Variants in ATMIN observed in about 807,000 individuals in gnomAD.
ATMIN encodes the protein ATM INteracting protein.
ATMIN carries 24 observed loss-of-function variants against 49.2 expected under a neutral mutation model. That is an observed-to-expected ratio of 0.49 (90% confidence interval 0.35 to 0.69). ATMIN has a LOEUF of 0.69. Ranked by LOEUF, ATMIN falls within the 30% of genes least tolerant of loss-of-function variation. The pLI is 0.00. For synonymous variants in ATMIN, 450 were observed against 392.5 expected (o/e 1.15, Z -1.73); for missense variants, 1,037 against 1,005.5 (o/e 1.03, Z -0.42).
chr16:81,039,207 G>A (rs1460319042), intron 1 of ATMIN, among the ~76,000 whole-genome samples: 1 of 152,168 alleles, frequency 6.6e-6, no homozygotes, highest in African/African-American at 2.4e-5. Flanking sequence ...TAAGAGCTGT[G>A]TTGACCAGAG....
chr16:81,040,273 G>C (rs1235094642), intron 1 of ATMIN, among the ~76,000 whole-genome samples: 2 of 151,962 alleles, frequency 1.3e-5, no homozygotes, highest in Non-Finnish European at 2.9e-5. Context: ...TCCTACCCTT[G>C]AGCTTATTCT....
At chr16:81,037,075 TGG>T in intron 1 of ATMIN, 1 of 640,576 alleles carries the variant, frequency 1.6e-6, no homozygotes, top group Non-Finnish European at 1.9e-6. Flanking sequence ...TTTTCAACCT[TGG>T]GACACATCTG....
At chr16:81,037,593 T>G in intron 1 of ATMIN, 1 of 725,368 alleles carries the variant, frequency 1.4e-6, no homozygotes, top group Non-Finnish European at 1.7e-6. Context: ...TTTGTTTTCA[T>G]ACTAAATTTT....
At chr16:81,038,570 T>A (rs1970986333) in intron 1 of ATMIN, among the ~76,000 whole-genome samples, 1 of 152,228 alleles carries the variant, frequency 6.6e-6, no homozygotes, top group African/African-American at 2.4e-5. Context: ...TGTCTTGGTG[T>A]CTTCCTTTAA....
At chr16:81,039,492 G>A (rs1971004214) in intron 1 of ATMIN, among the ~76,000 whole-genome samples, 1 of 152,168 alleles carries the variant, frequency 6.6e-6, no homozygotes, top group East Asian at 1.9e-4. Context: ...ATTGCAAACT[G>A]TAGAGTATGT....
chr16:81,039,326 A>G (rs1406078227), intron 1 of ATMIN, among the ~76,000 whole-genome samples: 1 of 152,050 alleles, frequency 6.6e-6, no homozygotes, highest in Admixed American at 6.6e-5. Context: ...CATTGTTTAT[A>G]TATTTTCTAG....
chr16:81,043,088 A>C, intron 3 of ATMIN, 73 bp from the exon 4 acceptor site: 1 of 1,502,248 alleles, frequency 6.7e-7, no homozygotes, highest in Non-Finnish European at 8.9e-7. Flanking sequence ...GGCATTTGTA[A>C]GTGAGGATAG....
At chr16:81,040,887 A>C (rs1438429170) in intron 1 of ATMIN, 1 of 153,256 alleles carries the variant, frequency 6.5e-6, no homozygotes, top group African/African-American at 2.4e-5. Flanking sequence ...GACTTGAACG[A>C]AGGGGCACTT....
At position 81,035,921 on chromosome 16, in the gene ATMIN, G is replaced by C. The variant is rs1271900074; in HGVS notation, c.51G>C (p.Ala17=). ...AAAAGSAALA[A]GARAVPAATT... is the part of the protein sequence containing the mutation. ...CGGCGGGGTCCGCGGCTCTGGCGGC[G>C]GGTGCCCGGGCCGTCCCGGCGGCCA... The change falls in exon 1 of 4, where the codon GCG becomes GCC. Residue 17 remains alanine (A), a synonymous_variant. Transcript: ENST00000299575. 1.0e-6 allele frequency: 1 copy of C among 989,458 alleles called. No homozygotes were observed. Among genetic ancestry groups the C allele is most frequent in the Non-Finnish European group, 1.2e-6 (1 of 834,138 alleles). 61.3% of individuals were successfully genotyped at this position (989,458 alleles called of 1,614,324 possible).
Position 81,043,500 on chromosome 16 carries a change from G to A in ATMIN, c.1002G>A (p.Gln334=), listed in dbSNP as rs1241756326. The A allele has an allele frequency of 6.2e-7, 1 of 1,614,160 alleles. No homozygotes were observed. The highest frequency in any genetic ancestry group is 2.2e-5 in the East Asian group (1 of 44,886). The change falls in exon 4 of 4, where the codon CAG becomes CAA. Residue 334 remains glutamine, a synonymous_variant. Transcript: ENST00000299575. ...SAQPVVLGVD[Q]GSATGAVHLM... ...AGCCTGTGGTGTTAGGTGTTGATCAGGGCTCTGCCACAGGGGCTGTGCACT... is the reference window on the plus strand; with the variant it reads ...AGCCTGTGGTGTTAGGTGTTGATCAAGGCTCTGCCACAGGGGCTGTGCACT...
rs771374468 is a variant in ATMIN at position 81,041,362 on chromosome 16, A to G, written c.343A>G (p.Ile115Val). 3.1e-6 allele frequency: 5 copies of G among 1,610,654 alleles called. No individual in the cohort carries two copies. In the Admixed American group the frequency reaches 6.8e-5, roughly 22 times the overall value. ...AGTAATTTTCCTTTTGCAGGATGGCATAGTCAATCCAACAATAAGAAAAGA... is the reference window on the plus strand; with the variant it reads ...AGTAATTTTCCTTTTGCAGGATGGCGTAGTCAATCCAACAATAAGAAAAGA... ...LVKSHRLQDG[I>V]VNPTIRKDLK... Residue 115 changes from isoleucine (I) to valine (V), a missense_variant, in exon 2 of 4, where the codon ATA becomes GTA. Ile to Val is a conservative substitution (Grantham distance 29, BLOSUM62 3). Coordinates refer to ENST00000299575, the MANE Select transcript of ATMIN (RefSeq NM_015251.3).
chr16:81,045,083 C>T lies in ATMIN; in HGVS notation c.*113C>T. On this transcript the variant is annotated 3_prime_UTR_variant, in exon 4 of 4. Coordinates refer to ENST00000299575, the MANE Select transcript of ATMIN (RefSeq NM_015251.3). ...TTGAATGTGGCTGATGATGCAGTTGCTTAGCTTCTTTGTGTTTCTTTGCCT... is the reference window on the plus strand; with the variant it reads ...TTGAATGTGGCTGATGATGCAGTTGTTTAGCTTCTTTGTGTTTCTTTGCCT... 2.2e-6 allele frequency: 3 copies of T among 1,375,370 alleles called. No homozygotes were observed. The highest frequency in any genetic ancestry group is 2.3e-5 in the East Asian group (1 of 43,016). 85.2% of individuals were successfully genotyped at this position (1,375,370 alleles called of 1,614,324 possible). A position where few individuals can be genotyped will look rare whatever the true frequency, so the allele number is the denominator to read the frequency against.
chr16:81,039,768 A>G (rs1971009231), intron 1 of ATMIN, among the ~76,000 whole-genome samples: 1 of 152,258 alleles, frequency 6.6e-6, no homozygotes, highest in Admixed American at 6.5e-5. Context: ...ATTGTAAAAC[A>G]TGGCTTAGAG....
rs754683885 is a variant in ATMIN at position 81,044,151 on chromosome 16, G to A, written c.1653G>A (p.Glu551=). The change falls in exon 4 of 4, where the codon GAG becomes GAA. Residue 551 remains glutamate (E), a synonymous_variant. Coordinates refer to ENST00000299575, the MANE Select transcript of ATMIN (RefSeq NM_015251.3). ...CTCATAGTTTGTTACCTCAGAATGAGCCTAAGACTTTAAATCAAGATATTG... is the reference window on the plus strand; with the variant it reads ...CTCATAGTTTGTTACCTCAGAATGAACCTAAGACTTTAAATCAAGATATTG... ...TVTHSLLPQN[E]PKTLNQDIEK... 1 of 1,614,200 alleles carries A rather than the reference G, an allele frequency of 6.2e-7. No individual in the cohort carries two copies. The highest frequency in any genetic ancestry group is 8.5e-7 in the Non-Finnish European group (1 of 1,180,026).
At position 81,041,412 on chromosome 16, in the gene ATMIN, C is replaced by T; in HGVS notation, c.393C>T (p.Tyr131=). 1 of 1,613,966 alleles carries T rather than the reference C, an allele frequency of 6.2e-7. No individual in the cohort carries two copies. Among genetic ancestry groups the T allele is most frequent in the South Asian group, 1.1e-5 (1 of 91,016 alleles). Residue 131 remains tyrosine (Y), a synonymous_variant, in exon 2 of 4, where the codon TAC becomes TAT. Coordinates refer to ENST00000299575, the MANE Select transcript of ATMIN (RefSeq NM_015251.3). The part of the protein sequence containing the change: ...RKDLKTGPKF[Y]CCPIEGCPRG... ...ATTTGAAAACTGGACCGAAATTCTACTGCTGTCCAATTGAAGGCTGCCCCA... is the reference window on the plus strand; with the variant it reads ...ATTTGAAAACTGGACCGAAATTCTATTGCTGTCCAATTGAAGGCTGCCCCA...
At position 81,046,909 on chromosome 16, in the gene ATMIN, C is replaced by T. The variant is rs567325475; in HGVS notation, c.*1939C>T. 4 of 152,642 alleles carry T rather than the reference C, an allele frequency of 2.6e-5. No homozygotes were observed. The highest frequency in any genetic ancestry group is 5.9e-5 in the Non-Finnish European group (4 of 68,014). 9.5% of individuals were successfully genotyped at this position (152,642 alleles called of 1,614,324 possible). A position where few individuals can be genotyped will look rare whatever the true frequency, so the allele number is the denominator to read the frequency against. ...TAAGAGTTTGGTTTGGTCACAGTTG[C>T]CTATGAGTGTGGGTTTCAAAAGAAA... On this transcript the variant is annotated 3_prime_UTR_variant, in exon 4 of 4. Coordinates refer to ENST00000299575, the MANE Select transcript of ATMIN (RefSeq NM_015251.3).
At chr16:81,039,038 C>T (rs1597124199) in intron 1 of ATMIN, among the ~76,000 whole-genome samples, 2 of 152,146 alleles carry the variant, frequency 1.3e-5, no homozygotes, top group South Asian at 2.1e-4. Context: ...TCAAGTGATC[C>T]GCCCGCTTCA....
chr16:81,040,125 A>G (rs1428030270), intron 1 of ATMIN, among the ~76,000 whole-genome samples: 2 of 152,004 alleles, frequency 1.3e-5, no homozygotes, highest in African/African-American at 2.4e-5. Context: ...TTCTCTTTTC[A>G]GTTATGCGCA....
intron 3 of ATMIN, among the ~76,000 whole-genome samples, 178 bp from the exon 4 acceptor site, chr16:81,042,983 T>C (rs1240858228): frequency 6.6e-6 from 1 of 152,134 alleles, no homozygotes; most frequent in Non-Finnish European, 1.5e-5. Flanking sequence ...TTTCTCAAAG[T>C]TCACCTGCTA....
Sources: allele counts gnomAD v4.1 joint callset (sites outside exome capture counted in the v4.1 genomes callset), GRCh38; gene constraint gnomAD v4.1.1; transcripts MANE v1.5; gene names NCBI Gene and HGNC (gene_info 2026-07-23, HGNC 2026-07-21).